The following GPBP1 variants were observed in gnomAD, a reference collection of about 807,000 sequenced individuals.
GPBP1 encodes GC-rich promoter binding protein 1.
In GPBP1, 13 loss-of-function variants were observed where a neutral mutation model predicts 56.5. That is an observed-to-expected ratio of 0.23 (90% CI 0.15 to 0.37). The LOEUF (loss-of-function observed/expected upper bound fraction) is 0.37. GPBP1 is among the 10% of genes least tolerant of loss of function. GPBP1 has a pLI of 1.00. For missense variants in GPBP1, 477 were observed against 572.3 expected (o/e 0.83, Z 1.70); for synonymous variants, 204 against 188.9 (o/e 1.08, Z -0.66).
At chr5:57,177,579 T>G (rs568940568) in intron 2 of GPBP1, among the ~76,000 whole-genome samples, 2 of 151,606 alleles carry the variant, frequency 1.3e-5, no homozygotes, top group African/African-American at 4.8e-5. Context: ...GTTCAAGCGA[T>G]TCTCCTGCTT....
chr5:57,175,667 G>A lies in GPBP1; in HGVS notation c.-791G>A, dbSNP rs1006308896. 5.0e-6 allele frequency: 2 copies of A among 396,332 alleles called. No homozygotes were observed. The highest frequency in any genetic ancestry group is 2.1e-5 in the African/African-American group (1 of 48,574). 24.6% of individuals were successfully genotyped at this position (396,332 alleles called of 1,614,324 possible). Reference sequence around the variant, plus strand: ...CAGGCAGCATTTCTTCAGTATTTTGGTTCAAACGGATTATATAACTGGTTA... The same window carrying A: ...CAGGCAGCATTTCTTCAGTATTTTGATTCAAACGGATTATATAACTGGTTA... On this transcript the variant is annotated 5_prime_UTR_variant, in exon 2 of 12. Coordinates refer to ENST00000506184, the MANE Select transcript of GPBP1 (RefSeq NM_022913.4).
rs1754451153 is a variant in GPBP1 at position 57,190,046 on chromosome 5, T to G, written c.-58+13646T>G. Among the ~76,000 whole-genome samples the G allele has an allele frequency of 2.0e-5, 3 of 151,950 alleles. No individual in the cohort carries two copies. In the South Asian group the frequency reaches 6.2e-4, roughly 32 times the overall value. ...ATCTTGTTTACCCTGTGCCCGTCTT[T>G]ATCACATAAGCTCTTTGAGAGCAGG... On this transcript the variant is annotated intron_variant, in intron 2 of 11. Coordinates refer to ENST00000506184, the MANE Select transcript of GPBP1 (RefSeq NM_022913.4).
intron 2 of GPBP1, among the ~76,000 whole-genome samples, chr5:57,188,976 C>CTCTT (rs1406355745): frequency 1.3e-5 from 2 of 151,454 alleles, no homozygotes; most frequent in Non-Finnish European, 2.9e-5. Flanking sequence ...TTGTACAAGC[C>CTCTT]TCTTTCTGTC....
chr5:57,218,363 C>A (rs1755788752), intron 3 of GPBP1, among the ~76,000 whole-genome samples: 1 of 152,190 alleles, frequency 6.6e-6, no homozygotes, highest in African/African-American at 2.4e-5. Context: ...TGGGTCTGAA[C>A]AATTTGTTGG....
intron 6 of GPBP1, among the ~76,000 whole-genome samples, chr5:57,238,426 C>T (rs959109852): frequency 7.9e-5 from 12 of 152,062 alleles, no homozygotes; most frequent in Admixed American, 6.6e-5. Context: ...GGTGTGGTGG[C>T]GCATGCCTGT....
intron 3 of GPBP1, among the ~76,000 whole-genome samples, chr5:57,229,568 G>A (rs1038142853): frequency 3.4e-5 from 5 of 147,640 alleles, no homozygotes; most frequent in East Asian, 4.0e-4. Flanking sequence ...ACTCTGTCTC[G>A]TCCAGGCTCT....
chr5:57,236,344 A>C (rs1440263374), intron 6 of GPBP1, among the ~76,000 whole-genome samples: 3 of 152,208 alleles, frequency 2.0e-5, no homozygotes, highest in Non-Finnish European at 2.9e-5. Context: ...ATGTAAAGAA[A>C]CAAACTGAGT....
intron 10 of GPBP1, among the ~76,000 whole-genome samples, chr5:57,253,457 A>G (rs183951987): frequency 1.3e-3 from 201 of 152,320 alleles, no homozygotes; most frequent in African/African-American, 4.6e-3. Flanking sequence ...AAACTGGGTT[A>G]TATCTCCTCT....
intron 6 of GPBP1, among the ~76,000 whole-genome samples, chr5:57,245,078 G>T (rs1741027591): frequency 6.6e-6 from 1 of 152,096 alleles, no homozygotes; most frequent in East Asian, 1.9e-4. Flanking sequence ...ACTTTGTTGT[G>T]TAATATCAGA....
In GPBP1 at chr5:57,246,548, G is replaced by A. The variant is rs1741100283; in HGVS notation, c.663+64G>A. Reference sequence around the variant, plus strand: ...ATAACCAATTTATGTCCTATGGGGGGAAATGTTAAAGAATTTAAAGTGTGT... The same window carrying A: ...ATAACCAATTTATGTCCTATGGGGGAAAATGTTAAAGAATTTAAAGTGTGT... On this transcript the variant is annotated intron_variant, in intron 7 of 11. Transcript: ENST00000506184. 4.4e-6 allele frequency: 6 copies of A among 1,356,166 alleles called. No homozygotes were observed. The Admixed American group carries it at 1.1e-4, about 24-fold the overall frequency. The allele number at this position is 1,356,166 out of a possible 1,614,324, so 84.0% of individuals were successfully genotyped here.
intron 3 of GPBP1, among the ~76,000 whole-genome samples, chr5:57,224,279 G>C (rs1046732442): frequency 1.5e-5 from 2 of 135,426 alleles, no homozygotes; most frequent in African/African-American, 5.6e-5. Context: ...AGTTTCTCTT[G>C]TTGCCCAGGC....
At chr5:57,257,830 A>G (rs1342513706) in intron 10 of GPBP1, among the ~76,000 whole-genome samples, 1 of 152,200 alleles carries the variant, frequency 6.6e-6, no homozygotes. Flanking sequence ...AGCGTGCTAG[A>G]AAAAGAAAGG....
intron 3 of GPBP1, among the ~76,000 whole-genome samples, chr5:57,230,044 C>CCT (rs2111848700): frequency 6.7e-6 from 1 of 149,644 alleles, no homozygotes; most frequent in South Asian, 2.1e-4. Context: ...GATTCTCTTG[C>CCT]CTCAGCCTCC....
At chr5:57,203,716 CAA>C (rs1755113275) in intron 2 of GPBP1, among the ~76,000 whole-genome samples, 1 of 152,120 alleles carries the variant, frequency 6.6e-6, no homozygotes, top group African/African-American at 2.4e-5. Context: ...TGGAGTCTAA[CAA>C]ATTTCAGATA....
At chr5:57,221,126 G>T (rs61551698) in intron 3 of GPBP1, among the ~76,000 whole-genome samples, 1 of 152,058 alleles carries the variant, frequency 6.6e-6, no homozygotes, top group Non-Finnish European at 1.5e-5. Flanking sequence ...TAGAACTTTA[G>T]CCCCATCATG....
At chr5:57,262,216 A>G (rs899668192) in intron 11 of GPBP1, among the ~76,000 whole-genome samples, 9 of 152,224 alleles carry the variant, frequency 5.9e-5, no homozygotes, top group Admixed American at 1.3e-4. Context: ...TAAACGAGAC[A>G]ATTTTGTAAC....
At chr5:57,196,806 G>C (rs754608165) in intron 2 of GPBP1, among the ~76,000 whole-genome samples, 11 of 151,848 alleles carry the variant, frequency 7.2e-5, no homozygotes, top group Non-Finnish European at 1.5e-4. Context: ...TTTTGAGATG[G>C]AGTCTTGCTG....
chr5:57,192,821 A>G (rs1330509331), intron 2 of GPBP1, among the ~76,000 whole-genome samples: 1 of 151,492 alleles, frequency 6.6e-6, no homozygotes, highest in Non-Finnish European at 1.5e-5. Context: ...GTTTTGTGTT[A>G]GATAAGATCT....
chr5:57,258,270 G>T (rs1027194103), intron 10 of GPBP1, among the ~76,000 whole-genome samples: 1 of 152,190 alleles, frequency 6.6e-6, no homozygotes, highest in African/African-American at 2.4e-5. Context: ...ATTGCTTAAT[G>T]ACAGGGATAT....
Sources: allele counts gnomAD v4.1 joint callset (sites outside exome capture counted in the v4.1 genomes callset), GRCh38; gene constraint gnomAD v4.1.1; transcripts MANE v1.5; gene names NCBI Gene and HGNC (gene_info 2026-07-23, HGNC 2026-07-21).